The following NIPBL variants were observed in gnomAD, a reference collection of about 807,000 sequenced individuals.
NIPBL encodes nipped-B-like protein.
Under a neutral mutation model 321.8 loss-of-function variants are expected in NIPBL, and 19 were observed. The ratio of observed to expected loss-of-function variants is 0.06; its 90% CI spans 0.04 to 0.09. The LOEUF (loss-of-function observed/expected upper bound fraction) is 0.09. Ranked by LOEUF, NIPBL falls within the 10% of genes least tolerant of loss-of-function variation. The pLI is 1.00. For synonymous variants in NIPBL, 1,106 were observed against 1,114.1 expected (o/e 0.99, Z 0.14); for missense variants, 2,210 against 3,327.0 (o/e 0.66, Z 8.26).
chr5:37,045,337 G>C, intron 36 of NIPBL, 106 bp from the exon 37 acceptor site: 1 of 825,482 alleles, frequency 1.2e-6, no homozygotes, highest in Non-Finnish European at 1.9e-6. Flanking sequence ...CTGGGTGACA[G>C]TGAGACTCCA....
chr5:37,033,852 A>G (rs1361725268), intron 32 of NIPBL, among the ~76,000 whole-genome samples: 1 of 149,672 alleles, frequency 6.7e-6, no homozygotes, highest in Non-Finnish European at 1.5e-5. Flanking sequence ...ACAAGCATGC[A>G]CCACCATGCC....
chr5:36,935,259 T>C (rs561280345), intron 1 of NIPBL, among the ~76,000 whole-genome samples: 1 of 152,280 alleles, frequency 6.6e-6, no homozygotes, highest in East Asian at 1.9e-4. Flanking sequence ...ATTGTTTCAT[T>C]CTTTTTCCTC....
chr5:37,005,529 CAA>C (rs1747330047), intron 16 of NIPBL, among the ~76,000 whole-genome samples: 1 of 152,158 alleles, frequency 6.6e-6, no homozygotes, highest in South Asian at 2.1e-4. Context: ...CTCTTCCAAA[CAA>C]ACAGCAATGT....
intron 1 of NIPBL, among the ~76,000 whole-genome samples, chr5:36,900,053 G>A (rs1249344271): frequency 1.3e-5 from 2 of 151,992 alleles, no homozygotes; most frequent in East Asian, 3.9e-4. Context: ...AGCAATGATG[G>A]CCAGTATTTG....
chr5:36,966,490 A>G (rs527429751), intron 6 of NIPBL, among the ~76,000 whole-genome samples: 3 of 152,212 alleles, frequency 2.0e-5, no homozygotes, highest in African/African-American at 7.2e-5. Flanking sequence ...TGGTCTCAGT[A>G]TCAGTGGTGT....
At chr5:37,025,817 T>A (rs1019497674) in intron 30 of NIPBL, among the ~76,000 whole-genome samples, 8 of 151,848 alleles carry the variant, frequency 5.3e-5, no homozygotes, top group African/African-American at 7.3e-5. Context: ...AAAAAAAAAA[T>A]TTTAAGTTTA....
At chr5:37,023,750 C>CTTTTTTTTTTT (rs779595045) in intron 29 of NIPBL, among the ~76,000 whole-genome samples, 7 of 75,852 alleles carry the variant, frequency 9.2e-5, no homozygotes, top group East Asian at 4.0e-4. Context: ...TTTTCTTATT[C>CTTTTTTTTTTT]TTTTTTTTTT....
intron 10 of NIPBL, among the ~76,000 whole-genome samples, chr5:36,994,960 G>C (rs548229028): frequency 1.8e-4 from 27 of 152,048 alleles, no homozygotes; most frequent in African/African-American, 6.5e-4. Flanking sequence ...TAAAAGATTT[G>C]TCATCTATTT....
rs533546588 is a variant in NIPBL at position 37,020,934 on chromosome 5, T to G, written c.5328+57T>G. The G allele has an allele frequency of 1.6e-5, 18 of 1,106,328 alleles. 1 individual carries two copies. Among genetic ancestry groups the G allele is most frequent in the South Asian group, 1.2e-4 (10 of 80,398 alleles). 68.5% of individuals were successfully genotyped at this position (1,106,328 alleles called of 1,614,324 possible). A position where few individuals can be genotyped will look rare whatever the true frequency, so the allele number is the denominator to read the frequency against. ...TATTGATTTTTCTGATTCTGGATGCTTGTGAGCAGTATATAATATCATTCA... is the reference window on the plus strand; with the variant it reads ...TATTGATTTTTCTGATTCTGGATGCGTGTGAGCAGTATATAATATCATTCA... On this transcript the variant is annotated intron_variant, in intron 27 of 46. Transcript: ENST00000282516.
At chr5:36,931,349 A>G (rs756178641) in intron 1 of NIPBL, among the ~76,000 whole-genome samples, 1 of 151,008 alleles carries the variant, frequency 6.6e-6, no homozygotes, top group Non-Finnish European at 1.5e-5. Flanking sequence ...AAGGAGTCTC[A>G]CTCTGTCACC....
intron 1 of NIPBL, among the ~76,000 whole-genome samples, chr5:36,896,059 T>G (rs1746708512): frequency 6.7e-6 from 1 of 149,440 alleles, no homozygotes; most frequent in South Asian, 2.1e-4. Context: ...GTGTTTAGTT[T>G]TAGCACTTAC....
chr5:37,052,954 C>T (rs945191103), intron 42 of NIPBL, among the ~76,000 whole-genome samples: 3 of 152,070 alleles, frequency 2.0e-5, no homozygotes, highest in African/African-American at 4.8e-5. Context: ...ACTTGATTTC[C>T]CTTAATGAAG....
At chr5:36,888,464 A>C (rs937524991) in intron 1 of NIPBL, among the ~76,000 whole-genome samples, 1 of 152,124 alleles carries the variant, frequency 6.6e-6, no homozygotes, top group African/African-American at 2.4e-5. Flanking sequence ...GTAGAGGAGA[A>C]AATGGGAATG....
intron 42 of NIPBL, among the ~76,000 whole-genome samples, chr5:37,053,474 G>A (rs1753778097): frequency 6.6e-6 from 1 of 152,136 alleles, no homozygotes; most frequent in Non-Finnish European, 1.5e-5. Context: ...GTCACAGTAA[G>A]AGATTAACAT....
At chr5:37,011,759 A>G (rs1335585337) in intron 21 of NIPBL, among the ~76,000 whole-genome samples, 1 of 152,082 alleles carries the variant, frequency 6.6e-6, no homozygotes, top group Non-Finnish European at 1.5e-5. Context: ...CGTAAAGGAC[A>G]GTGACATATT....
intron 21 of NIPBL, among the ~76,000 whole-genome samples, chr5:37,010,571 G>A (rs924746536): frequency 6.6e-6 from 1 of 152,140 alleles, no homozygotes. Context: ...CTCCCAAAGT[G>A]CTGGGGTTAC....
In NIPBL at chr5:37,057,564, A is replaced by G. The variant is rs184146596; in HGVS notation, c.7410+232A>G. 3.3e-4 allele frequency among the ~76,000 whole-genome samples: 50 copies of G among 152,342 alleles called. 1 individual carries two copies. The highest frequency in any genetic ancestry group is 2.9e-3 in the Admixed American group (44 of 15,300). ...ATATGGATTGTTCTGTTGATAAGCC[A>G]TCACATTTATTTCTCTCACTTTAAG... On this transcript the variant is annotated intron_variant, in intron 43 of 46. Coordinates refer to ENST00000282516, the MANE Select transcript of NIPBL (RefSeq NM_133433.4).
intron 1 of NIPBL, among the ~76,000 whole-genome samples, chr5:36,938,305 T>C (rs1738676316): frequency 6.6e-6 from 1 of 151,848 alleles, no homozygotes; most frequent in African/African-American, 2.4e-5. Context: ...TGTCACCTCT[T>C]AAATGGTTCA....
intron 1 of NIPBL, among the ~76,000 whole-genome samples, chr5:36,948,938 T>C (rs760418030): frequency 6.6e-6 from 1 of 151,816 alleles, no homozygotes; most frequent in Non-Finnish European, 1.5e-5. Flanking sequence ...AATCAACCCG[T>C]AAAATAATAT....
Sources: gnomAD v4.1 joint callset for allele counts (sites outside exome capture counted in the v4.1 genomes callset) on GRCh38, gnomAD v4.1.1 for gene constraint, MANE v1.5 for transcripts, NCBI Gene and HGNC (gene_info 2026-07-23, HGNC 2026-07-21) for gene names.